The following NKAIN2 variants were observed in gnomAD, a reference collection of about 807,000 sequenced individuals.
NKAIN2 encodes the protein sodium/potassium-transporting ATPase subunit beta-1-interacting protein 2.
In NKAIN2, 14 loss-of-function variants were observed where a neutral mutation model predicts 32.6. That is an observed-to-expected ratio of 0.43 (90% CI 0.28 to 0.67). The LOEUF is 0.67. Among genes scored for constraint, NKAIN2 ranks in the 30% least tolerant of loss-of-function variants. The pLI, the probability that NKAIN2 is intolerant of heterozygous loss-of-function variation, is 0.17. For synonymous variants in NKAIN2, 80 were observed against 87.2 expected, an observed-to-expected ratio of 0.92 and a Z score of 0.46; for missense variants, 198 against 258.3, an observed-to-expected ratio of 0.77 and a Z score of 1.60.
At chr6:124,427,088 G>A (rs147002007) in intron 3 of NKAIN2, among the ~76,000 whole-genome samples, 6 of 152,228 alleles carry the variant, frequency 3.9e-5, no homozygotes, top group South Asian at 2.1e-4. Flanking sequence ...ATTTTGGAAA[G>A]CAATTCATTT....
At chr6:123,973,882 T>C (rs1778441238) in intron 1 of NKAIN2, among the ~76,000 whole-genome samples, 2 of 152,116 alleles carry the variant, frequency 1.3e-5, no homozygotes, top group Non-Finnish European at 2.9e-5. Flanking sequence ...GAAAGCTATT[T>C]AGAATAGAGA....
chr6:124,023,094 A>G (rs767660100), intron 1 of NKAIN2, among the ~76,000 whole-genome samples: 5 of 151,582 alleles, frequency 3.3e-5, no homozygotes, highest in African/African-American at 4.9e-5. Context: ...GTGTGTATGT[A>G]TATAAAAAGT....
At chr6:124,264,425 A>T (rs1197898158) in intron 1 of NKAIN2, among the ~76,000 whole-genome samples, 1 of 152,132 alleles carries the variant, frequency 6.6e-6, no homozygotes, top group Non-Finnish European at 1.5e-5. Context: ...TTGAAAGGTT[A>T]TTTTTTTCTT....
intron 3 of NKAIN2, among the ~76,000 whole-genome samples, chr6:124,622,975 T>C (rs994471407): frequency 6.6e-6 from 1 of 152,116 alleles, no homozygotes; most frequent in Non-Finnish European, 1.5e-5. Context: ...ATGCCTGTAC[T>C]CATTTTGGGC....
At chr6:123,953,379 A>G (rs1466187973) in intron 1 of NKAIN2, among the ~76,000 whole-genome samples, 1 of 152,166 alleles carries the variant, frequency 6.6e-6, no homozygotes, top group Non-Finnish European at 1.5e-5. Context: ...CTCAGATTTC[A>G]GTAGTTCAGC....
chr6:124,350,621 G>C (rs966622052), intron 2 of NKAIN2, among the ~76,000 whole-genome samples: 2 of 152,142 alleles, frequency 1.3e-5, no homozygotes, highest in South Asian at 4.1e-4. Flanking sequence ...CAGTGTTTTT[G>C]GCAAATCTGT....
At chr6:124,466,673 T>A (rs1776769674) in intron 3 of NKAIN2, among the ~76,000 whole-genome samples, 1 of 151,370 alleles carries the variant, frequency 6.6e-6, no homozygotes, top group Non-Finnish European at 1.5e-5. Flanking sequence ...ACTCTATCAC[T>A]GCAGGCATCC....
intron 1 of NKAIN2, among the ~76,000 whole-genome samples, chr6:124,192,579 A>G (rs900458127): frequency 7.2e-5 from 11 of 152,066 alleles, no homozygotes; most frequent in Non-Finnish European, 1.2e-4. Context: ...TGTTATGTGT[A>G]GTGTTCAATA....
chr6:124,710,638 A>C lies in NKAIN2; in HGVS notation c.474+52252A>C, dbSNP rs866798918. 3.9e-4 allele frequency among the ~76,000 whole-genome samples: 59 copies of C among 150,422 alleles called. 1 individual carries two copies. In the Middle Eastern group the frequency reaches 0.01, roughly 26 times the overall value. On this transcript the variant is annotated intron_variant, in intron 4 of 6. Transcript: ENST00000368417. Reference sequence around the variant, plus strand: ...TTGGTTTAAAGTCTGTTTTATCAGAAACTAGGATTGCAACCCCTGCCTTTT... The same window carrying C: ...TTGGTTTAAAGTCTGTTTTATCAGACACTAGGATTGCAACCCCTGCCTTTT...
At chr6:124,475,744 C>CT (rs1777170249) in intron 3 of NKAIN2, among the ~76,000 whole-genome samples, 1 of 152,056 alleles carries the variant, frequency 6.6e-6, no homozygotes, top group African/African-American at 2.4e-5. Context: ...GATTCAAAGG[C>CT]TTTTTTCACT....
intron 1 of NKAIN2, among the ~76,000 whole-genome samples, chr6:124,027,583 A>G (rs960498955): frequency 2.0e-5 from 3 of 152,102 alleles, no homozygotes; most frequent in Non-Finnish European, 4.4e-5. Context: ...CGTATGTATC[A>G]TTTACACATC....
intron 3 of NKAIN2, among the ~76,000 whole-genome samples, chr6:124,562,172 A>C (rs1780719850): frequency 6.6e-6 from 1 of 152,220 alleles, no homozygotes. Flanking sequence ...AATTCATATA[A>C]TACTGTGGAA....
At chr6:124,100,413 C>T (rs1345739090) in intron 1 of NKAIN2, among the ~76,000 whole-genome samples, 1 of 152,126 alleles carries the variant, frequency 6.6e-6, no homozygotes, top group Non-Finnish European at 1.5e-5. Flanking sequence ...TAATTCCTAT[C>T]ATGGTAATAT....
At chr6:124,630,281 C>G (rs924418785) in intron 3 of NKAIN2, among the ~76,000 whole-genome samples, 1 of 152,024 alleles carries the variant, frequency 6.6e-6, no homozygotes, top group African/African-American at 2.4e-5. Flanking sequence ...TGTCCTCAGT[C>G]AAAGGAAGGA....
chr6:124,462,106 A>G (rs907129091), intron 3 of NKAIN2, among the ~76,000 whole-genome samples: 3 of 151,988 alleles, frequency 2.0e-5, no homozygotes, highest in African/African-American at 7.2e-5. Context: ...GAATAAATCT[A>G]TCTTCTACAG....
intron 1 of NKAIN2, among the ~76,000 whole-genome samples, chr6:124,038,073 C>T (rs1407178404): frequency 1.3e-5 from 2 of 151,990 alleles, no homozygotes; most frequent in Non-Finnish European, 2.9e-5. Flanking sequence ...TAGTGTATCC[C>T]CTGAAGGGAC....
intron 3 of NKAIN2, among the ~76,000 whole-genome samples, chr6:124,563,496 T>C (rs1417005086): frequency 6.6e-6 from 1 of 152,220 alleles, no homozygotes; most frequent in Non-Finnish European, 1.5e-5. Context: ...TGGTTCAGGC[T>C]CTCCTTTTGT....
chr6:124,815,989 A>AT (rs1443406474), intron 5 of NKAIN2, among the ~76,000 whole-genome samples: 24 of 152,320 alleles, frequency 1.6e-4, no homozygotes, highest in African/African-American at 5.8e-4. Flanking sequence ...TGGCAAAGGG[A>AT]AAAGCAGAAT....
Position 124,181,534 on chromosome 6 carries a change from A to G in NKAIN2, c.55-101471A>G, listed in dbSNP as rs150530388. On this transcript the variant is annotated intron_variant, in intron 1 of 6. Coordinates refer to ENST00000368417, the MANE Select transcript of NKAIN2 (RefSeq NM_001040214.3). ...AACATAAGTTCCAATTCCAAACCAT[A>G]TCTCTGTGAATAAATAAAATGGAAT... Among the ~76,000 whole-genome samples the G allele has an allele frequency of 7.5e-4, 114 of 152,272 alleles. 1 individual carries two copies. Among genetic ancestry groups the G allele is most frequent in the Non-Finnish European group, 6.6e-4 (45 of 68,030 alleles).
Sources: gnomAD v4.1 joint callset for allele counts (sites outside exome capture counted in the v4.1 genomes callset) on GRCh38, gnomAD v4.1.1 for gene constraint, MANE v1.5 for transcripts, NCBI Gene and HGNC (gene_info 2026-07-23, HGNC 2026-07-21) for gene names.